NOP9: variants seen among roughly 807,000 people sequenced by gnomAD.
The protein encoded by NOP9 is NOP9 nucleolar protein.
In NOP9, 50 loss-of-function variants were observed where a neutral mutation model predicts 63.0. That is an observed-to-expected ratio of 0.79 (90% CI 0.63 to 1.00). The LOEUF (loss-of-function observed/expected upper bound fraction) is 1.00. Among genes scored for constraint, NOP9 ranks in the 50% least tolerant of loss-of-function variants. The pLI is 0.00. For missense variants in NOP9, 758 were observed against 803.0 expected, an observed-to-expected ratio of 0.94 and a Z score of 0.68; for synonymous variants, 343 against 332.8, an observed-to-expected ratio of 1.03 and a Z score of -0.33.
upstream of NOP9, chr14:24,299,770 C>T: frequency 1.5e-6 from 1 of 669,948 alleles, no homozygotes; most frequent in African/African-American, 1.8e-5. Flanking sequence ...CGGATGGGGG[C>T]GGAGCGATCT....
chr14:24,301,729 A>C lies in NOP9; in HGVS notation c.808+7A>C. 6.2e-7 allele frequency: 1 copy of C among 1,613,804 alleles called. No homozygotes were observed. The highest frequency in any genetic ancestry group is 8.5e-7 in the Non-Finnish European group (1 of 1,179,716). On this transcript the variant is annotated splice_region_variant and intron_variant, in intron 3 of 9. Coordinates refer to ENST00000267425, the MANE Select transcript of NOP9 (RefSeq NM_174913.3). ...TTTCTGAAGGACATTGCAGGTAAGG[A>C]GGGAAGTAGGAGGATGGTCTCGTAT...
chr14:24,301,518 C>G, intron 2 of NOP9, 94 bp from the exon 3 acceptor site: 1 of 1,515,236 alleles, frequency 6.6e-7, no homozygotes, highest in Non-Finnish European at 9.1e-7. Flanking sequence ...TGTTCTGCAT[C>G]TCCAAGCGGA....
At chr14:24,276,211 T>C in the NOP9 span, among the ~76,000 whole-genome samples, 1 of 151,906 alleles carries the variant, frequency 6.6e-6, no homozygotes, top group African/African-American at 2.4e-5. Flanking sequence ...ATGCCATCTC[T>C]ACTAAAAATA....
chr14:24,292,211 C>T, the NOP9 span: 3 of 1,614,154 alleles, frequency 1.9e-6, no homozygotes, highest in Non-Finnish European at 2.5e-6. Flanking sequence ...CCTGCAGGAC[C>T]TCCTCCTTTG....
At chr14:24,291,185 C>T in the NOP9 span, 78 of 1,614,050 alleles carry the variant, frequency 4.8e-5, no homozygotes, top group Admixed American at 1.2e-4. Context: ...CACAGGATGG[C>T]AGCACCTTAC....
chr14:24,290,721 C>A, the NOP9 span: 2 of 1,142,514 alleles, frequency 1.8e-6, no homozygotes, highest in Non-Finnish European at 2.5e-6. Context: ...CCAGAACTCA[C>A]CACGGACACA....
chr14:24,271,271 T>A, the NOP9 span: 1 of 970,750 alleles, frequency 1.0e-6, no homozygotes, highest in Non-Finnish European at 1.5e-6. Flanking sequence ...CCCCAGAGTG[T>A]AAAGAGGTCC....
rs1487068205 is a variant in NOP9 at position 24,302,062 on chromosome 14, T to C, written c.906T>C (p.Ala302=). 6.2e-7 allele frequency: 1 copy of C among 1,614,116 alleles called. No homozygotes were observed. Among genetic ancestry groups the C allele is most frequent in the Non-Finnish European group, 8.5e-7 (1 of 1,179,988 alleles). ...LPQFCAHLCN[A]VIGYLSTRGS... is the part of the protein sequence containing the mutation. The stretch of plus-strand genomic sequence containing the variant: ...AGTTTTGCGCTCATCTCTGCAATGC[T>C]GTGATTGGCTACCTGAGTACTCGCG... Residue 302 remains alanine (A), a synonymous_variant, in exon 4 of 10, where the codon GCT becomes GCC. Transcript: ENST00000267425.
chr14:24,298,840 A>G (rs763959831), upstream of NOP9: 9 of 1,180,854 alleles, frequency 7.6e-6, no homozygotes, highest in African/African-American at 1.6e-5. Context: ...TTGAATAAAT[A>G]TTCACATCTT....
the NOP9 span, chr14:24,291,460 C>T: frequency 4.4e-6 from 6 of 1,353,074 alleles, no homozygotes; most frequent in Non-Finnish European, 6.4e-6. Flanking sequence ...ATGACATGTT[C>T]CTCAACCAAC....
the NOP9 span, chr14:24,293,657 G>A: frequency 6.6e-6 from 1 of 151,902 alleles, no homozygotes; most frequent in Non-Finnish European, 1.5e-5. Context: ...TTGTGGGTGA[G>A]GGGGATTGCT....
At chr14:24,296,700 T>C (rs1436911992), upstream of NOP9, 1 of 1,613,050 alleles carries the variant, frequency 6.2e-7, no homozygotes, top group Non-Finnish European at 8.5e-7. Context: ...GAGGGGGAGG[T>C]CAGAAATGTG....
Position 24,308,000 on chromosome 14 carries a change from C to A in NOP9, c.*2905C>A, listed in dbSNP as rs963207312. On this transcript the variant is annotated 3_prime_UTR_variant, in exon 10 of 10. Coordinates refer to ENST00000267425, the MANE Select transcript of NOP9 (RefSeq NM_174913.3). ...AATGAGTCAAGCCTGGACTCTGGCC[C>A]CCCTGCCTGGCCAGTAAGAAGGGCA... 7.2e-5 allele frequency: 55 copies of A among 766,454 alleles called. No homozygotes were observed. Among genetic ancestry groups the A allele is most frequent in the Non-Finnish European group, 1.1e-4 (48 of 447,708 alleles). 47.5% of individuals were successfully genotyped at this position (766,454 alleles called of 1,614,324 possible). A position where few individuals can be genotyped will look rare whatever the true frequency, so the allele number is the denominator to read the frequency against.
At chr14:24,299,846 G>T, upstream of NOP9, 1 of 1,366,048 alleles carries the variant, frequency 7.3e-7, no homozygotes, top group Non-Finnish European at 9.7e-7. Flanking sequence ...TGCGTCAGGA[G>T]CGCGCCCGCG....
In NOP9 at chr14:24,300,876, A is replaced by G. The variant is rs1354793692; in HGVS notation, c.697+19A>G. 6.3e-7 allele frequency: 1 copy of G among 1,584,594 alleles called. No homozygotes were observed. The highest frequency in any genetic ancestry group is 2.2e-5 in the East Asian group (1 of 44,646). On this transcript the variant is annotated intron_variant, in intron 2 of 9. Coordinates refer to ENST00000267425, the MANE Select transcript of NOP9 (RefSeq NM_174913.3). ...TCATCTGGTAAGTATTACAAGAGGA[A>G]AGTGGACCTAGGGGGAAGAAGAATT...
Position 24,306,861 on chromosome 14 carries a change from A to G in NOP9, c.*1766A>G. The G allele has an allele frequency of 2.8e-6, 1 of 362,500 alleles. No individual in the cohort carries two copies. The allele number at this position is 362,500 out of a possible 1,614,324, so 22.5% of individuals were successfully genotyped here. ...TACAATGCTGCACCTCACTTCCCACACCCTCAAGAGTTCTCCAGAAGTGTT... is the reference window on the plus strand; with the variant it reads ...TACAATGCTGCACCTCACTTCCCACGCCCTCAAGAGTTCTCCAGAAGTGTT... On this transcript the variant is annotated 3_prime_UTR_variant, in exon 10 of 10. Coordinates refer to ENST00000267425, the MANE Select transcript of NOP9 (RefSeq NM_174913.3).
rs1219993518 is a variant in NOP9, at chr14:24,307,942, C to T, written c.*2847C>T. 1.6e-6 allele frequency: 2 copies of T among 1,266,028 alleles called. No homozygotes were observed. The highest frequency in any genetic ancestry group is 2.3e-6 in the Non-Finnish European group (2 of 887,092). 78.4% of individuals were successfully genotyped at this position (1,266,028 alleles called of 1,614,324 possible). ...GGGGCTTTAGTGGTGTTTTCTGTTA[C>T]AAACCTGGGATCTCAGCCCAGGACA... On this transcript the variant is annotated 3_prime_UTR_variant, in exon 10 of 10. Transcript: ENST00000267425.
chr14:24,307,498 C>T lies in NOP9; in HGVS notation c.*2403C>T, dbSNP rs755589683. The T allele has an allele frequency of 1.9e-5, 31 of 1,613,682 alleles. No individual in the cohort carries two copies. Among genetic ancestry groups the T allele is most frequent in the Non-Finnish European group, 2.5e-5 (29 of 1,179,888 alleles). ...CCAGACCCTCCGTCCAAACTCCGAG[C>T]TTATATTAGATACTGACCTGGTAGT... On this transcript the variant is annotated 3_prime_UTR_variant, in exon 10 of 10. Coordinates refer to ENST00000267425, the MANE Select transcript of NOP9 (RefSeq NM_174913.3).
Position 24,304,502 on chromosome 14 carries a change from G to A in NOP9, c.1657G>A (p.Val553Met), listed in dbSNP as rs1400756198. ...RVLQNLKGQY[V>M]ALACSRHGSR... ...GCTTGTCTCCATACAGGGACAATATGTGGCTCTGGCCTGTAGTCGCCATGG... is the reference window on the plus strand; with the variant it reads ...GCTTGTCTCCATACAGGGACAATATATGGCTCTGGCCTGTAGTCGCCATGG... The change falls in exon 9 of 10, where the codon GTG (valine) becomes ATG (methionine). Residue 553 changes from valine to methionine, a missense_variant. Val to Met is a conservative substitution (Grantham distance 21). Coordinates refer to ENST00000267425, the MANE Select transcript of NOP9 (RefSeq NM_174913.3). 2 of 1,609,280 alleles carry A rather than the reference G, an allele frequency of 1.2e-6. No homozygotes were observed. Among genetic ancestry groups the A allele is most frequent in the Non-Finnish European group, 1.7e-6 (2 of 1,178,608 alleles).
Sources: allele counts gnomAD v4.1 joint callset (sites outside exome capture counted in the v4.1 genomes callset), GRCh38; gene constraint gnomAD v4.1.1; transcripts MANE v1.5; gene names NCBI Gene and HGNC (gene_info 2026-07-23, HGNC 2026-07-21).